Variants in PPARG observed in about 807,000 individuals in gnomAD.
PPARG encodes peroxisome proliferator activated receptor gamma, also known as peroxisome proliferator-activated receptor gamma.
In PPARG, 17 loss-of-function variants were observed where a neutral mutation model predicts 39.2. That is an observed-to-expected ratio of 0.43 (90% CI 0.30 to 0.65). The LOEUF is 0.65. PPARG is among the 30% of genes least tolerant of loss of function. The pLI is 0.13. For synonymous variants in PPARG, 223 were observed against 215.7 expected (o/e 1.03, Z -0.30); for missense variants, 406 against 585.9 (o/e 0.69, Z 3.17).
rs779748988 is a variant in PPARG at position 12,433,925 on chromosome 3, C to T, written c.1208C>T (p.Pro403Leu). ...GDRPGLLNVK[P>L]IEDIQDNLLQ... The stretch of plus-strand genomic sequence containing the variant: ...CGCCCAGGTTTGCTGAATGTGAAGC[C>T]CATTGAAGACATTCAAGACAACCTG... Residue 403 changes from proline (P) to leucine (L), a missense_variant, in exon 8 of 8, where the codon CCC becomes CTC. Transcript: ENST00000651735. The T allele has an allele frequency of 1.2e-6, 2 of 1,614,158 alleles. No individual in the cohort carries two copies. Among genetic ancestry groups the T allele is most frequent in the Admixed American group, 3.3e-5 (2 of 60,014 alleles).
chr3:12,429,685 C>A (rs2051590629), intron 7 of PPARG, among the ~76,000 whole-genome samples: 1 of 152,148 alleles, frequency 6.6e-6, no homozygotes, highest in Non-Finnish European at 1.5e-5. Flanking sequence ...TCTCTCGGCA[C>A]CTGTCTTTAG....
intron 1 of PPARG, among the ~76,000 whole-genome samples, chr3:12,294,988 G>A (rs2046742666): frequency 6.6e-6 from 1 of 152,154 alleles, no homozygotes; most frequent in African/African-American, 2.4e-5. Context: ...TAGAAACTTA[G>A]TAGCCACCTC....
intron 2 of PPARG, among the ~76,000 whole-genome samples, chr3:12,321,384 G>C (rs2047540034): frequency 1.3e-5 from 2 of 152,152 alleles, no homozygotes; most frequent in South Asian, 2.1e-4. Context: ...CAGCAAATGA[G>C]AGTCTAAGAA....
chr3:12,396,152 C>T (rs972812247), intron 5 of PPARG, among the ~76,000 whole-genome samples: 5 of 151,762 alleles, frequency 3.3e-5, no homozygotes, highest in South Asian at 2.1e-4. Context: ...GATGGAGTCT[C>T]GCTCTGTCGC....
intron 1 of PPARG, among the ~76,000 whole-genome samples, chr3:12,290,212 A>T (rs1404080535): frequency 1.3e-5 from 2 of 152,104 alleles, no homozygotes; most frequent in African/African-American, 4.8e-5. Flanking sequence ...AACTTTTTTC[A>T]TATTTACAAG....
chr3:12,399,670 A>AGGG (rs1212892966), intron 5 of PPARG, among the ~76,000 whole-genome samples: 39 of 254 alleles, frequency 0.15, no homozygotes, highest in East Asian at 0.36. Context: ...GGAGGGAGGG[A>AGGG]AAAAAGGAAA....
intron 3 of PPARG, among the ~76,000 whole-genome samples, chr3:12,381,108 A>G (rs1184154294): frequency 1.3e-5 from 2 of 152,074 alleles, no homozygotes; most frequent in Non-Finnish European, 2.9e-5. Flanking sequence ...CCCATTTTAT[A>G]TTTACAGGTG....
At chr3:12,360,758 A>G (rs2048820660) in intron 2 of PPARG, among the ~76,000 whole-genome samples, 1 of 152,184 alleles carries the variant, frequency 6.6e-6, no homozygotes, top group East Asian at 1.9e-4. Flanking sequence ...ACACTATTGA[A>G]TGTAATTGTA....
At chr3:12,345,489 A>G (rs970627067) in intron 2 of PPARG, among the ~76,000 whole-genome samples, 2 of 152,174 alleles carry the variant, frequency 1.3e-5, no homozygotes, top group Non-Finnish European at 2.9e-5. Flanking sequence ...AACTGATTTG[A>G]ACGTCTTACT....
intron 6 of PPARG, among the ~76,000 whole-genome samples, chr3:12,410,520 C>T (rs774634792): frequency 2.0e-5 from 3 of 152,176 alleles, no homozygotes; most frequent in African/African-American, 7.2e-5. Context: ...GGCGAAGCTC[C>T]GGCTGCACTC....
chr3:12,356,397 T>C (rs1339681228), intron 2 of PPARG, among the ~76,000 whole-genome samples: 1 of 152,306 alleles, frequency 6.6e-6, no homozygotes, highest in East Asian at 1.9e-4. Flanking sequence ...AACCGTGTAA[T>C]TTTTATTTGA....
rs1283709828 is a variant in PPARG at position 12,417,139 on chromosome 3, A to G, written c.1165A>G (p.Ile389Val). 3 of 1,614,008 alleles carry G rather than the reference A, an allele frequency of 1.9e-6. No individual in the cohort carries two copies. The change falls in exon 7 of 8, where the codon ATT becomes GTT. Residue 389 changes from isoleucine to valine, a missense_variant. Coordinates refer to ENST00000651735, the MANE Select transcript of PPARG (RefSeq NM_138711.6). Reference sequence around the variant, plus strand: ...CGACTTGGCAATATTTATTGCTGTCATTATTCTCAGTGGAGGTAAGATTTG... The same window carrying G: ...CGACTTGGCAATATTTATTGCTGTCGTTATTCTCAGTGGAGGTAAGATTTG... The part of the protein sequence containing the change: ...DSDLAIFIAV[I>V]ILSGDRPGLL...
chr3:12,358,067 G>C (rs1400572903), intron 2 of PPARG, among the ~76,000 whole-genome samples: 1 of 152,150 alleles, frequency 6.6e-6, no homozygotes, highest in Non-Finnish European at 1.5e-5. Flanking sequence ...TACTGGATAT[G>C]CTACAAACCA....
intron 1 of PPARG, among the ~76,000 whole-genome samples, chr3:12,295,688 C>G (rs906758358): frequency 6.6e-6 from 1 of 151,664 alleles, no homozygotes; most frequent in Non-Finnish European, 1.5e-5. Context: ...TAATTTTTTG[C>G]ATTTTTATTA....
Position 12,416,792 on chromosome 3 carries a change from A to G in PPARG, c.818A>G (p.Lys273Arg). The change falls in exon 7 of 8, where the codon AAA becomes AGA. Residue 273 changes from lysine (K) to arginine (R), a missense_variant. Physicochemically the swap from Lys to Arg is conservative, Grantham distance 26 (BLOSUM62 2). This residue lies in a region of PPARG where 275 missense variants were observed against 458.0 expected (regional missense o/e 0.60). Transcript: ENST00000651735. Reference sequence around the variant, plus strand: ...ATCACCCCCCTGCAGGAGCAGAGCAAAGAGGTGGCCATCCGCATCTTTCAG... The same window carrying G: ...ATCACCCCCCTGCAGGAGCAGAGCAGAGAGGTGGCCATCCGCATCTTTCAG... ...KHITPLQEQS[K>R]EVAIRIFQGC... 6.2e-7 allele frequency: 1 copy of G among 1,614,106 alleles called. No homozygotes were observed. The highest frequency in any genetic ancestry group is 8.5e-7 in the Non-Finnish European group (1 of 1,179,978).
intron 5 of PPARG, among the ~76,000 whole-genome samples, chr3:12,403,513 C>G (rs2050552529): frequency 6.6e-6 from 1 of 151,876 alleles, no homozygotes; most frequent in African/African-American, 2.4e-5. Context: ...CCACGCCCAG[C>G]TATTTATTTT....
chr3:12,432,250 C>T (rs2051685476), intron 7 of PPARG, among the ~76,000 whole-genome samples: 1 of 152,036 alleles, frequency 6.6e-6, no homozygotes, highest in Admixed American at 6.6e-5. Flanking sequence ...CAAAGAATGG[C>T]CCCCAAAATA....
chr3:12,294,598 A>C (rs965782673), intron 1 of PPARG, among the ~76,000 whole-genome samples: 5 of 152,194 alleles, frequency 3.3e-5, no homozygotes, highest in African/African-American at 1.2e-4. Context: ...ACAGATCATA[A>C]AATATCATAC....
intron 5 of PPARG, among the ~76,000 whole-genome samples, chr3:12,404,561 T>C (rs1410881380): frequency 1.3e-5 from 2 of 152,172 alleles, no homozygotes; most frequent in Non-Finnish European, 2.9e-5. Context: ...CCCAACACTT[T>C]GGGAGGCTGA....
Sources: allele counts gnomAD v4.1 joint callset (sites outside exome capture counted in the v4.1 genomes callset), GRCh38; gene constraint gnomAD v4.1.1; regional missense constraint gnomAD v4.1.1; transcripts MANE v1.5; gene names NCBI Gene and HGNC (gene_info 2026-07-23, HGNC 2026-07-21).